Variants in COMMD8 observed in about 807,000 individuals in gnomAD.
COMMD8 encodes the protein COMM domain-containing protein 8.
A neutral mutation model predicts 27.2 loss-of-function variants in COMMD8; 28 were observed. That is an observed-to-expected ratio of 1.03 (90% CI 0.76 to 1.41). The LOEUF is 1.41. Among genes scored for constraint, COMMD8 ranks in the 40% most tolerant of loss-of-function variants. The probability of loss-of-function intolerance (pLI) is 0.00; values close to 1 mark genes in which losing one functional copy is unlikely to be tolerated. For missense variants in COMMD8, 217 were observed against 211.2 expected, an observed-to-expected ratio of 1.03 and a Z score of -0.17; for synonymous variants, 79 against 75.5, an observed-to-expected ratio of 1.05 and a Z score of -0.24.
At chr4:47,456,267 C>CATAT (rs34279197) in intron 3 of COMMD8, among the ~76,000 whole-genome samples, 13,048 of 118,132 alleles carry the variant, frequency 0.11, 865 homozygotes, top group East Asian at 0.16. Context: ...ATAAATTATA[C>CATAT]ATATATATAT....
intron 2 of COMMD8, among the ~76,000 whole-genome samples, chr4:47,457,933 A>AT (rs1013309596): frequency 8.5e-4 from 129 of 151,170 alleles, no homozygotes; most frequent in African/African-American, 3.1e-3. Flanking sequence ...AGAGATATAT[A>AT]AAAAAAAAGA....
intron 2 of COMMD8, among the ~76,000 whole-genome samples, chr4:47,457,783 T>G (rs979305049): frequency 6.6e-6 from 1 of 151,064 alleles, no homozygotes; most frequent in Non-Finnish European, 1.5e-5. Context: ...CCTTCCCAAT[T>G]CATTCCATGA....
chr4:47,454,066 G>C (rs1560389237), intron 3 of COMMD8, among the ~76,000 whole-genome samples: 1 of 152,160 alleles, frequency 6.6e-6, no homozygotes, highest in African/African-American at 2.4e-5. Flanking sequence ...AGATCTGGAA[G>C]TATCAGCTTC....
intron 2 of COMMD8, among the ~76,000 whole-genome samples, chr4:47,458,724 T>G (rs531248100): frequency 2.0e-5 from 3 of 152,056 alleles, no homozygotes; most frequent in Non-Finnish European, 2.9e-5. Context: ...TGAAGAAGCA[T>G]GAGAATGAAG....
In COMMD8 at chr4:47,463,689, C is replaced by T. The variant is rs1050476749; in HGVS notation, c.-38G>A. 2.6e-6 allele frequency: 4 copies of T among 1,526,482 alleles called. No individual in the cohort carries two copies. Among genetic ancestry groups the T allele is most frequent in the Non-Finnish European group, 3.5e-6 (4 of 1,134,010 alleles). 94.6% of individuals were successfully genotyped at this position (1,526,482 alleles called of 1,614,324 possible). A position where few individuals can be genotyped will look rare whatever the true frequency, so the allele number is the denominator to read the frequency against. The stretch of plus-strand genomic sequence containing the variant: ...CTGGGGCTTGGGTCACGTGTCAAGG[C>T]TGGCCGCTTGTCTAAAGCTACGACT... On this transcript the variant is annotated 5_prime_UTR_variant, in exon 1 of 5. Coordinates refer to ENST00000381571, the MANE Select transcript of COMMD8 (RefSeq NM_017845.5).
intron 4 of COMMD8, 71 bp from the exon 5 acceptor site, chr4:47,451,736 C>A (rs371109834): frequency 2.2e-5 from 26 of 1,204,376 alleles, no homozygotes; most frequent in Non-Finnish European, 3.0e-5. Flanking sequence ...ATATTAAATG[C>A]TTTGAAGTCT....
At chr4:47,462,430 G>C (rs968875077) in intron 1 of COMMD8, among the ~76,000 whole-genome samples, 2 of 152,114 alleles carry the variant, frequency 1.3e-5, no homozygotes, top group Admixed American at 6.5e-5. Context: ...TAGGTCCAGG[G>C]GGAAAGAAGA....
chr4:47,456,307 T>TATATATATATA (rs1729887692), intron 3 of COMMD8, among the ~76,000 whole-genome samples: 1 of 144,846 alleles, frequency 6.9e-6, no homozygotes, highest in Non-Finnish European at 1.5e-5. Flanking sequence ...TATATGTATA[T>TATATATATATA]GTTGACTATA....
intron 3 of COMMD8, among the ~76,000 whole-genome samples, 182 bp from the exon 4 acceptor site, chr4:47,453,396 G>A (rs1406497108): frequency 6.6e-6 from 1 of 152,200 alleles, no homozygotes; most frequent in Non-Finnish European, 1.5e-5. Flanking sequence ...AGAGAAAGGA[G>A]AGTGAATAAA....
chr4:47,454,864 C>CAAAAA (rs1187989270), intron 3 of COMMD8, among the ~76,000 whole-genome samples: 67 of 39,348 alleles, frequency 1.7e-3, no homozygotes, highest in Middle Eastern at 0.02. Context: ...AACTCCATCT[C>CAAAAA]AAAAAAAAAA....
chr4:47,463,645 G>A lies in COMMD8; in HGVS notation c.7C>T (p.Pro3Ser). ...CGCCACAAGGGCGTCCCCTCTTCCG[G>A]CTCCATCCCTGCGCGAAGCTGGGGC... ME[P>S]EEGTPLWRLQ... The change falls in exon 1 of 5, where the codon CCG becomes TCG. Residue 3 changes from proline (P) to serine (S), a missense_variant. Physicochemically the swap from Pro to Ser is moderately conservative, Grantham distance 74. Transcript: ENST00000381571. The A allele has an allele frequency of 6.5e-7, 1 of 1,549,100 alleles. No individual in the cohort carries two copies. The highest frequency in any genetic ancestry group is 8.7e-7 in the Non-Finnish European group (1 of 1,146,212).
chr4:47,453,290 G>T, intron 3 of COMMD8, 76 bp from the exon 4 acceptor site: 3 of 1,218,802 alleles, frequency 2.5e-6, no homozygotes, highest in African/African-American at 1.5e-5. Flanking sequence ...AGGTTAGTTA[G>T]CAGTACATTT....
Position 47,463,657 on chromosome 4 carries a change from C to T in COMMD8, c.-6G>A. 1 of 1,547,962 alleles carries T rather than the reference C, an allele frequency of 6.5e-7. No homozygotes were observed. Among genetic ancestry groups the T allele is most frequent in the Non-Finnish European group, 8.7e-7 (1 of 1,145,664 alleles). On this transcript the variant is annotated 5_prime_UTR_variant, in exon 1 of 5. Coordinates refer to ENST00000381571, the MANE Select transcript of COMMD8 (RefSeq NM_017845.5). ...GTCCCCTCTTCCGGCTCCATCCCTG[C>T]GCGAAGCTGGGGCTTGGGTCACGTG...
intron 4 of COMMD8, among the ~76,000 whole-genome samples, chr4:47,452,423 C>A (rs577067385): frequency 6.6e-6 from 1 of 152,198 alleles, no homozygotes; most frequent in South Asian, 2.1e-4. Context: ...CATAAAAACT[C>A]TTCAGAATCA....
chr4:47,460,845 AC>A (rs1217141131), intron 1 of COMMD8, among the ~76,000 whole-genome samples: 1 of 152,122 alleles, frequency 6.6e-6, no homozygotes, highest in Non-Finnish European at 1.5e-5. Flanking sequence ...AGTCTCCAGT[AC>A]TTTTTTCCTT....
At chr4:47,461,132 T>G (rs527244525) in intron 1 of COMMD8, among the ~76,000 whole-genome samples, 1 of 152,308 alleles carries the variant, frequency 6.6e-6, no homozygotes, top group East Asian at 1.9e-4. Context: ...TACAAAGACA[T>G]GTAGACATTG....
At position 47,463,667 on chromosome 4, in the gene COMMD8, G is replaced by C. The variant is rs776146790; in HGVS notation, c.-16C>G. ...CCGGCTCCATCCCTGCGCGAAGCTG[G>C]GGCTTGGGTCACGTGTCAAGGCTGG... On this transcript the variant is annotated 5_prime_UTR_variant, in exon 1 of 5. Transcript: ENST00000381571. 5.2e-6 allele frequency: 8 copies of C among 1,545,980 alleles called. No homozygotes were observed. The highest frequency in any genetic ancestry group is 7.0e-6 in the Non-Finnish European group (8 of 1,144,742).
In COMMD8 at chr4:47,456,575, ACCTTTACCTGCCAATCAAAAT is replaced by A. The variant is rs1399553306; in HGVS notation, c.356_375+1del. 2 of 1,602,226 alleles carry A rather than the reference ACCTTTACCTGCCAATCAAAAT, an allele frequency of 1.2e-6. No individual in the cohort carries two copies. The highest frequency in any genetic ancestry group is 1.7e-6 in the Non-Finnish European group (2 of 1,175,308). ...AAAATACACATACTCATAGACTCTT[ACCTTTACCTGCCAATCAAAAT>A]CCTGTAGCTGTGCAGAGGAAATAGC... On this transcript the variant is annotated splice_donor_variant and coding_sequence_variant, in exon 3 of 5. Coordinates refer to ENST00000381571, the MANE Select transcript of COMMD8 (RefSeq NM_017845.5). LOFTEE classifies it high-confidence loss of function.
rs141230159 is a variant in COMMD8, at chr4:47,460,188, T to C, written c.178A>G (p.Lys60Glu). The C allele has an allele frequency of 2.3e-5, 37 of 1,613,592 alleles. No homozygotes were observed. In the African/African-American group the frequency reaches 4.4e-4, roughly 19 times the overall value. The part of the protein sequence containing the change: ...EWMHVLEDIA[K>E]FFKAIVGKNL... Reference sequence around the variant, plus strand: ...TTACCAACTATGGCTTTGAAAAATTTGGCAATATCTTCTAAAACGTGCATC... The same window carrying C: ...TTACCAACTATGGCTTTGAAAAATTCGGCAATATCTTCTAAAACGTGCATC... The change falls in exon 2 of 5, where the codon AAA becomes GAA. Residue 60 changes from lysine (K) to glutamate (E), a missense_variant. Transcript: ENST00000381571.
Sources: gnomAD v4.1 joint callset for allele counts (sites outside exome capture counted in the v4.1 genomes callset) on GRCh38, gnomAD v4.1.1 for gene constraint, MANE v1.5 for transcripts, NCBI Gene and HGNC (gene_info 2026-07-23, HGNC 2026-07-21) for gene names.